The following NDUFA8 variants were observed in gnomAD, a reference collection of about 807,000 sequenced individuals.
NDUFA8 encodes NADH dehydrogenase [ubiquinone] 1 alpha subcomplex subunit 8.
NDUFA8 carries 16 observed loss-of-function variants against 20.9 expected under a neutral mutation model. The observed-to-expected ratio is 0.77, with a 90% CI of 0.52 to 1.16. The LOEUF is 1.16. Among genes scored for constraint, NDUFA8 ranks in the 50% most tolerant of loss-of-function variants. NDUFA8 has a pLI of 0.00. For synonymous variants in NDUFA8, 70 were observed against 76.1 expected (o/e 0.92, Z 0.41); for missense variants, 202 against 216.4 (o/e 0.93, Z 0.42).
At chr9:122,136,847 G>T in the NDUFA8 span, among the ~76,000 whole-genome samples, 2 of 152,130 alleles carry the variant, frequency 1.3e-5, no homozygotes, top group Non-Finnish European at 2.9e-5. Flanking sequence ...GAGCCACCGC[G>T]CCCGGCTGCC....
At chr9:122,132,879 CGTT>C in the NDUFA8 span, 7 of 455,272 alleles carry the variant, frequency 1.5e-5, no homozygotes, top group Admixed American at 2.4e-5. Context: ...ATAGAAGTGT[CGTT>C]GTTCTCCCAG....
chr9:122,137,129 C>T, the NDUFA8 span, among the ~76,000 whole-genome samples: 530 of 152,096 alleles, frequency 3.5e-3, 4 homozygotes, highest in African/African-American at 9.2e-3. Context: ...GGATGATCTC[C>T]GAAAGGTTTC....
chr9:122,159,353 T>G (rs1829138679), intron 1 of NDUFA8, among the ~76,000 whole-genome samples: 1 of 152,174 alleles, frequency 6.6e-6, no homozygotes, highest in African/African-American at 2.4e-5. Context: ...TAATAAAATG[T>G]ATCACTATTA....
At chr9:122,155,091 A>T (rs898651650) in intron 1 of NDUFA8, among the ~76,000 whole-genome samples, 2 of 152,100 alleles carry the variant, frequency 1.3e-5, no homozygotes, top group East Asian at 1.9e-4. Flanking sequence ...TATTATTATT[A>T]TTTTTTTGAG....
At chr9:122,136,224 A>C in the NDUFA8 span, among the ~76,000 whole-genome samples, 24 of 152,186 alleles carry the variant, frequency 1.6e-4, no homozygotes, top group African/African-American at 5.8e-4. Context: ...AGCTTAACGT[A>C]CTTGAATCAG....
chr9:122,142,222 A>G (rs1338230464), downstream of NDUFA8, among the ~76,000 whole-genome samples: 2 of 152,164 alleles, frequency 1.3e-5, no homozygotes, highest in Non-Finnish European at 2.9e-5. Flanking sequence ...GGATCTCCAT[A>G]TACACCCATT....
At chr9:122,141,974 C>T (rs1828828281), downstream of NDUFA8, among the ~76,000 whole-genome samples, 1 of 152,106 alleles carries the variant, frequency 6.6e-6, no homozygotes, top group African/African-American at 2.4e-5. Flanking sequence ...GAATTTGAAA[C>T]CATTAACAGT....
At chr9:122,141,182 T>C (rs1828814711), downstream of NDUFA8, among the ~76,000 whole-genome samples, 1 of 152,150 alleles carries the variant, frequency 6.6e-6, no homozygotes. Flanking sequence ...AGAAGTAAGA[T>C]AATGATGGGG....
intron 1 of NDUFA8, among the ~76,000 whole-genome samples, chr9:122,156,517 C>A (rs1048337086): frequency 2.6e-5 from 4 of 152,134 alleles, no homozygotes; most frequent in African/African-American, 9.7e-5. Context: ...CCTATCACAT[C>A]GAAAGCACAC....
downstream of NDUFA8, among the ~76,000 whole-genome samples, chr9:122,143,838 C>T (rs184823605): frequency 1.7e-4 from 26 of 152,322 alleles, no homozygotes; most frequent in East Asian, 3.5e-3. Flanking sequence ...GCTGAGACTT[C>T]AAAATGTGTG....
At chr9:122,148,819 T>C (rs544156280) in intron 2 of NDUFA8, among the ~76,000 whole-genome samples, 81 of 152,280 alleles carry the variant, frequency 5.3e-4, no homozygotes, top group Middle Eastern at 3.4e-3. Flanking sequence ...TATTTACGCA[T>C]TGAACAAAAA....
the NDUFA8 span, among the ~76,000 whole-genome samples, chr9:122,135,825 G>A: frequency 7.9e-5 from 12 of 152,338 alleles, no homozygotes; most frequent in African/African-American, 2.9e-4. Context: ...CTGGGGTCAA[G>A]TGACCCTCCC....
the NDUFA8 span, among the ~76,000 whole-genome samples, chr9:122,134,140 T>C: frequency 6.6e-6 from 1 of 152,208 alleles, no homozygotes; most frequent in Non-Finnish European, 1.5e-5. Flanking sequence ...CACACGTAGA[T>C]AACTCACGTG....
the NDUFA8 span, among the ~76,000 whole-genome samples, chr9:122,137,238 CT>C: frequency 1.4e-3 from 154 of 106,574 alleles, 1 homozygote; most frequent in Admixed American, 2.6e-3. Context: ...TTTTCCTTTC[CT>C]TTTTTTTTTT....
the NDUFA8 span, among the ~76,000 whole-genome samples, chr9:122,137,820 T>G: frequency 6.6e-6 from 1 of 152,216 alleles, no homozygotes; most frequent in East Asian, 1.9e-4. Context: ...GTCCAACTCT[T>G]TATTTTACAG....
At chr9:122,145,576 G>T (rs1428642457) in intron 3 of NDUFA8, among the ~76,000 whole-genome samples, 3 of 152,162 alleles carry the variant, frequency 2.0e-5, no homozygotes, top group Non-Finnish European at 4.4e-5. Context: ...CTTTTATTGG[G>T]AACAGAGCTT....
intron 1 of NDUFA8, among the ~76,000 whole-genome samples, 173 bp downstream of exon 1, chr9:122,159,454 G>A (rs372124106): frequency 3.3e-5 from 5 of 152,234 alleles, no homozygotes; most frequent in Admixed American, 1.3e-4. Flanking sequence ...GTAGAGAGGG[G>A]AGGCGACTCC....
rs924857420 is a variant in NDUFA8 at position 122,144,259 on chromosome 9, A to G, written c.501T>C (p.Phe167=). ...DLQPATHGSR[F]YFWTK The stretch of plus-strand genomic sequence containing the variant: ...CCCATCTTTACTTGGTCCAGAAATA[A>G]AAGCGGCTGCCATGTGTGGCAGGCT... Residue 167 remains phenylalanine (F), a synonymous_variant, in exon 4 of 4, where the codon TTT becomes TTC. Coordinates refer to ENST00000373768, the MANE Select transcript of NDUFA8 (RefSeq NM_014222.3). The G allele has an allele frequency of 2.5e-6, 4 of 1,613,922 alleles. No homozygotes were observed. In the African/African-American group the frequency reaches 5.3e-5, roughly 22 times the overall value.
chr9:122,159,136 C>T (rs1489793113), intron 1 of NDUFA8, among the ~76,000 whole-genome samples: 2 of 152,114 alleles, frequency 1.3e-5, no homozygotes, highest in Admixed American at 6.5e-5. Context: ...CAAACACCTT[C>T]CCAAGGCTGT....
Sources: allele counts gnomAD v4.1 joint callset (sites outside exome capture counted in the v4.1 genomes callset), GRCh38; gene constraint gnomAD v4.1.1; transcripts MANE v1.5; gene names NCBI Gene and HGNC (gene_info 2026-07-23, HGNC 2026-07-21).